THADA: variants seen among roughly 807,000 people sequenced by gnomAD.
THADA encodes the protein THADA armadillo repeat containing, also known as tRNA (32-2'-O)-methyltransferase regulator THADA.
A neutral mutation model predicts 219.8 loss-of-function variants in THADA; 213 were observed. The observed-to-expected ratio is 0.97, with a 90% CI of 0.87 to 1.09. The LOEUF (loss-of-function observed/expected upper bound fraction) is 1.09. Among genes scored for constraint, THADA ranks in the 50% least tolerant of loss-of-function variants. The pLI, the probability that THADA is intolerant of heterozygous loss-of-function variation, is 0.00. For missense variants in THADA, 2,956 were observed against 2,311.3 expected, an observed-to-expected ratio of 1.28 and a Z score of -5.72; for synonymous variants, 1,018 against 828.9, an observed-to-expected ratio of 1.23 and a Z score of -3.92.
At position 43,428,100 on chromosome 2, in the gene THADA, C is replaced by T. The variant is rs1558743801; in HGVS notation, c.4058G>A (p.Arg1353Lys). Residue 1353 changes from arginine (R) to lysine (K), a missense_variant and splice_region_variant, in exon 28 of 38, where the codon AGG (arginine) becomes AAG (lysine). Coordinates refer to ENST00000405975, the MANE Select transcript of THADA (RefSeq NM_022065.5). ...CAATTTCTACACAGCATGACACTAC[C>T]TCATAATGAAGGGAACAAAAGGTCC... ...SMGPFVPFIM[R>K]CGHSPVYHSR... 1 of 1,606,176 alleles carries T rather than the reference C, an allele frequency of 6.2e-7. No individual in the cohort carries two copies. The highest frequency in any genetic ancestry group is 1.3e-5 in the African/African-American group (1 of 74,758).
At position 43,428,137 on chromosome 2, in the gene THADA, C is replaced by T. The variant is rs1553438872; in HGVS notation, c.4021G>A (p.Ala1341Thr). The T allele has an allele frequency of 3.1e-6, 5 of 1,610,998 alleles. No individual in the cohort carries two copies. Among genetic ancestry groups the T allele is most frequent in the Non-Finnish European group, 4.2e-6 (5 of 1,178,270 alleles). Reference sequence around the variant, plus strand: ...GGAACAAAAGGTCCCATGCTGAGAGCAGAAGAAGTACCATCCATCGGGGAA... The same window carrying T: ...GGAACAAAAGGTCCCATGCTGAGAGTAGAAGAAGTACCATCCATCGGGGAA... ...YASPMDGTSS[A>T]LSMGPFVPFI... Residue 1341 changes from alanine (A) to threonine (T), a missense_variant, in exon 28 of 38, where the codon GCT (alanine) becomes ACT (threonine). Coordinates refer to ENST00000405975, the MANE Select transcript of THADA (RefSeq NM_022065.5).
chr2:43,583,201 C>T (rs1167732871), intron 7 of THADA, among the ~76,000 whole-genome samples: 1 of 152,200 alleles, frequency 6.6e-6, no homozygotes, highest in East Asian at 1.9e-4. Context: ...AATGAGTGAA[C>T]TTATCTTCAA....
intron 28 of THADA, among the ~76,000 whole-genome samples, chr2:43,422,400 C>A (rs1044027697): frequency 2.6e-5 from 4 of 152,148 alleles, no homozygotes; most frequent in African/African-American, 9.7e-5. Flanking sequence ...TCGACAGATA[C>A]TAGTTCTTCA....
At chr2:43,527,780 T>A in intron 22 of THADA, 99 bp downstream of exon 22, 2 of 802,910 alleles carry the variant, frequency 2.5e-6, no homozygotes, top group South Asian at 3.9e-5. Context: ...CCAGGTCTTA[T>A]TCTTTTAAAC....
rs368669954 is a variant in THADA at position 43,298,606 on chromosome 2, TA to T, written c.4439-5394del. 3.2e-3 allele frequency among the ~76,000 whole-genome samples: 464 copies of T among 146,750 alleles called. 2 individuals carry two copies. The highest frequency in any genetic ancestry group is 6.2e-3 in the South Asian group (29 of 4,644). On this transcript the variant is annotated intron_variant, in intron 31 of 37. Coordinates refer to ENST00000405975, the MANE Select transcript of THADA (RefSeq NM_022065.5). ...CAAGAATTATCAATAAAAAAAAAAT[TA>T]AAAAAAAAAAATTGTAATTAACAAC...
intron 29 of THADA, among the ~76,000 whole-genome samples, chr2:43,359,686 C>CA (rs1190868082): frequency 6.6e-6 from 1 of 152,156 alleles, no homozygotes. Flanking sequence ...AACAAACCAA[C>CA]AAACAAACAA....
chr2:43,477,095 A>AT (rs2104984402), intron 26 of THADA, among the ~76,000 whole-genome samples: 1 of 152,344 alleles, frequency 6.6e-6, no homozygotes, highest in Non-Finnish European at 1.5e-5. Flanking sequence ...CTGCCAAGAT[A>AT]TATCTCAAAT....
intron 36 of THADA, among the ~76,000 whole-genome samples, chr2:43,270,328 A>C (rs1264035868): frequency 2.0e-5 from 3 of 152,134 alleles, no homozygotes; most frequent in Admixed American, 6.5e-5. Context: ...GAGAACAGGA[A>C]CAGCAGCAGC....
chr2:43,236,488 G>A (rs1668045492), intron 36 of THADA, among the ~76,000 whole-genome samples: 1 of 152,178 alleles, frequency 6.6e-6, no homozygotes, highest in African/African-American at 2.4e-5. Context: ...ATGCAGGCCA[G>A]CTAGGCTCTT....
At chr2:43,471,763 C>T (rs1168974417) in intron 26 of THADA, among the ~76,000 whole-genome samples, 3 of 152,128 alleles carry the variant, frequency 2.0e-5, no homozygotes, top group Admixed American at 6.5e-5. Flanking sequence ...CCCTCTTCTT[C>T]GTTTTTATCA....
At chr2:43,436,285 G>A (rs1680091917) in intron 26 of THADA, among the ~76,000 whole-genome samples, 1 of 152,170 alleles carries the variant, frequency 6.6e-6, no homozygotes, top group Non-Finnish European at 1.5e-5. Context: ...CCTGGGAAGA[G>A]ACTATCTCAG....
intron 24 of THADA, among the ~76,000 whole-genome samples, chr2:43,499,534 G>A (rs971440081): frequency 3.9e-5 from 6 of 151,934 alleles, no homozygotes; most frequent in African/African-American, 1.2e-4. Flanking sequence ...GTGCCACCAC[G>A]GCCGGCTAAG....
chr2:43,506,984 A>T (rs1170640737), intron 23 of THADA, among the ~76,000 whole-genome samples: 1 of 152,206 alleles, frequency 6.6e-6, no homozygotes, highest in East Asian at 1.9e-4. Flanking sequence ...ATTCAAAAAA[A>T]CTTTATGTCT....
chr2:43,251,570 C>T lies in THADA; in HGVS notation c.5297-18688G>A, dbSNP rs1445907502. On this transcript the variant is annotated intron_variant, in intron 36 of 37. Coordinates refer to ENST00000405975, the MANE Select transcript of THADA (RefSeq NM_022065.5). ...GTGCGAAACACCGGTCTGGGAAATACAGCAATCTAAGGTACTGTGGGACTG... is the reference window on the plus strand; with the variant it reads ...GTGCGAAACACCGGTCTGGGAAATATAGCAATCTAAGGTACTGTGGGACTG... 2.6e-5 allele frequency among the ~76,000 whole-genome samples: 4 copies of T among 152,320 alleles called. No homozygotes were observed. The East Asian group carries it at 7.7e-4, about 29-fold the overall frequency.
rs546333848 is a variant in THADA, at chr2:43,535,575, G to C, written c.3264+5584C>G. Reference sequence around the variant, plus strand: ...ACATGCTTGTAATCGAAGCTACTTGGGAGGCTGAGGCAGGAGAATCGTTTG... The same window carrying C: ...ACATGCTTGTAATCGAAGCTACTTGCGAGGCTGAGGCAGGAGAATCGTTTG... On this transcript the variant is annotated intron_variant, in intron 21 of 37. Coordinates refer to ENST00000405975, the MANE Select transcript of THADA (RefSeq NM_022065.5). Among the ~76,000 whole-genome samples the C allele has an allele frequency of 9.2e-4, 137 of 149,314 alleles. 1 individual carries two copies. Among genetic ancestry groups the C allele is most frequent in the African/African-American group, 3.2e-3 (129 of 40,510 alleles).
chr2:43,246,488 C>T lies in THADA; in HGVS notation c.5297-13606G>A, dbSNP rs142118097. Among the ~76,000 whole-genome samples the T allele has an allele frequency of 2.6e-4, 39 of 151,608 alleles. No individual in the cohort carries two copies. In the East Asian group the frequency reaches 5.2e-3, roughly 20 times the overall value. ...CCAGCCTGGGTGACAGAGCAGGACT[C>T]GTCTCAAAAACAAACAAACAAACAA... On this transcript the variant is annotated intron_variant, in intron 36 of 37. Transcript: ENST00000405975.
intron 30 of THADA, among the ~76,000 whole-genome samples, chr2:43,334,715 C>A (rs1414360820): frequency 6.6e-6 from 1 of 151,650 alleles, no homozygotes; most frequent in Non-Finnish European, 1.5e-5. Flanking sequence ...GCGGAGCTTG[C>A]AGTGAGCCGA....
chr2:43,327,386 C>A (rs1679453009), intron 30 of THADA, among the ~76,000 whole-genome samples: 3 of 144,386 alleles, frequency 2.1e-5, no homozygotes, highest in African/African-American at 7.8e-5. Context: ...CCATAACGGG[C>A]TGGAAAGAAG....
In THADA at chr2:43,292,339, C is replaced by A. The variant is rs948356679; in HGVS notation, c.4819-117G>T. 12 of 645,810 alleles carry A rather than the reference C, an allele frequency of 1.9e-5. 1 individual carries two copies. Among genetic ancestry groups the A allele is most frequent in the African/African-American group, 3.8e-5 (2 of 53,186 alleles). The allele number at this position is 645,810 out of a possible 1,614,324, so 40.0% of individuals were successfully genotyped here. A position where few individuals can be genotyped will look rare whatever the true frequency, so the allele number is the denominator to read the frequency against. On this transcript the variant is annotated intron_variant, in intron 32 of 37. Coordinates refer to ENST00000405975, the MANE Select transcript of THADA (RefSeq NM_022065.5). ...AGGTCTACCTTTCAAAAGGCTCCCA[C>A]TGACTTCTTATTTCCCCCATAATAC...
Sources: allele counts gnomAD v4.1 joint callset (sites outside exome capture counted in the v4.1 genomes callset), GRCh38; gene constraint gnomAD v4.1.1; transcripts MANE v1.5; gene names NCBI Gene and HGNC (gene_info 2026-07-23, HGNC 2026-07-21).